UIMC1: variants seen among roughly 807,000 people sequenced by gnomAD.
UIMC1 encodes BRCA1-A complex subunit RAP80.
In UIMC1, 42 loss-of-function variants were observed where a neutral mutation model predicts 84.9. The observed-to-expected ratio is 0.49, with a 90% confidence interval of 0.39 to 0.64. The LOEUF (loss-of-function observed/expected upper bound fraction) is 0.64, where lower values mean the gene tolerates loss of function less well. UIMC1 is among the 30% of genes least tolerant of loss of function. The pLI, the probability that UIMC1 is intolerant of heterozygous loss-of-function variation, is 0.00. For missense variants in UIMC1, 825 were observed against 847.6 expected, an observed-to-expected ratio of 0.97 and a Z score of 0.33; for synonymous variants, 281 against 293.0, an observed-to-expected ratio of 0.96 and a Z score of 0.42.
intron 2 of UIMC1, among the ~76,000 whole-genome samples, chr5:176,980,856 T>G (rs1231695470): frequency 6.6e-6 from 1 of 152,160 alleles, no homozygotes; most frequent in Non-Finnish European, 1.5e-5. Context: ...CCCACCTGCC[T>G]CAGCTTCCCA....
chr5:176,906,257 GAAC>G (rs1428648070), intron 13 of UIMC1: 1 of 534,592 alleles, frequency 1.9e-6, no homozygotes, highest in African/African-American at 1.9e-5. Context: ...ACTTTTGAAT[GAAC>G]AACCTCTGAA....
chr5:176,998,155 C>A (rs1773903245), intron 1 of UIMC1, among the ~76,000 whole-genome samples: 1 of 152,042 alleles, frequency 6.6e-6, no homozygotes, highest in African/African-American at 2.4e-5. Context: ...AGTCCCAGCA[C>A]CTACCAAATG....
chr5:176,950,059 G>T (rs1765653028), intron 9 of UIMC1, among the ~76,000 whole-genome samples: 1 of 146,670 alleles, frequency 6.8e-6, no homozygotes, highest in African/African-American at 2.5e-5. Flanking sequence ...TTGTCTCGAG[G>T]AGAAAAAATA....
At chr5:176,908,137 TTG>T (rs1759643609) in intron 12 of UIMC1, among the ~76,000 whole-genome samples, 1 of 152,020 alleles carries the variant, frequency 6.6e-6, no homozygotes, top group African/African-American at 2.4e-5. Context: ...ATATAGTATG[TTG>T]TGTGTGTGCT....
At chr5:176,910,580 A>G (rs1302222010) in intron 11 of UIMC1, among the ~76,000 whole-genome samples, 1 of 152,200 alleles carries the variant, frequency 6.6e-6, no homozygotes, top group Non-Finnish European at 1.5e-5. Flanking sequence ...CACACAACCA[A>G]AAAGTCTTCT....
At chr5:176,913,970 G>A (rs896117957) in intron 10 of UIMC1, among the ~76,000 whole-genome samples, 31 of 151,946 alleles carry the variant, frequency 2.0e-4, no homozygotes, top group Admixed American at 3.9e-4. Context: ...GAGCTAGATC[G>A]TCTCAAAAAA....
chr5:176,947,497 C>T lies in UIMC1; in HGVS notation c.1443+3977G>A, dbSNP rs73341857. Among the ~76,000 whole-genome samples the T allele has an allele frequency of 9.0e-3, 1,373 of 152,250 alleles. 22 individuals are homozygous for T. The highest frequency in any genetic ancestry group is 0.031 in the African/African-American group (1,283 of 41,528). On this transcript the variant is annotated intron_variant, in intron 9 of 14. Transcript: ENST00000511320. Reference sequence around the variant, plus strand: ...TCTCCTAATGCTATCCCTCCCCGCTCGCCTTCTACTTCTTTTAAAATATTA... The same window carrying T: ...TCTCCTAATGCTATCCCTCCCCGCTTGCCTTCTACTTCTTTTAAAATATTA...
At chr5:176,924,344 T>C (rs1232863121) in intron 10 of UIMC1, among the ~76,000 whole-genome samples, 1 of 151,044 alleles carries the variant, frequency 6.6e-6, no homozygotes, top group Admixed American at 6.6e-5. Context: ...ATAAAAATAA[T>C]ATCTACCACA....
At chr5:176,961,946 G>A (rs1282135060) in intron 6 of UIMC1, among the ~76,000 whole-genome samples, 13 of 61,338 alleles carry the variant, frequency 2.1e-4, no homozygotes, top group South Asian at 6.7e-4. Context: ...GGAGGTGGGG[G>A]TGTCGGCCCC....
At chr5:176,980,229 T>C (rs886875369) in intron 2 of UIMC1, 8 of 152,194 alleles carry the variant, frequency 5.3e-5, no homozygotes, top group Non-Finnish European at 1.0e-4. Context: ...CATAATTGAA[T>C]GAGCCAATTC....
At chr5:176,939,332 G>C (rs1213553108) in intron 10 of UIMC1, among the ~76,000 whole-genome samples, 1 of 151,752 alleles carries the variant, frequency 6.6e-6, no homozygotes, top group Non-Finnish European at 1.5e-5. Context: ...TGAAGTAATA[G>C]GTGATAGAAA....
At chr5:176,974,943 C>T (rs573288459) in intron 3 of UIMC1, among the ~76,000 whole-genome samples, 10 of 151,804 alleles carry the variant, frequency 6.6e-5, no homozygotes, top group African/African-American at 1.9e-4. Context: ...TGCTTGAGGC[C>T]AGGAGTTTGA....
chr5:176,999,914 C>G (rs1412023820), intron 1 of UIMC1, among the ~76,000 whole-genome samples: 5 of 152,150 alleles, frequency 3.3e-5, no homozygotes, highest in African/African-American at 1.2e-4. Context: ...TGGATACATA[C>G]CCAGCAGTGG....
rs1282650313 is a variant in UIMC1, at chr5:176,945,896, T to C, written c.1444-2408A>G. On this transcript the variant is annotated intron_variant, in intron 9 of 14. Transcript: ENST00000511320. ...TTATGGAAAGATTGTGTTTCTGTTT[T>C]AAGGCTCTGTTAGAAATTACTGAGG... Among the ~76,000 whole-genome samples, 5 of 152,220 alleles carry C rather than the reference T, an allele frequency of 3.3e-5. No homozygotes were observed. In the East Asian group the frequency reaches 5.8e-4, roughly 18 times the overall value.
intron 10 of UIMC1, among the ~76,000 whole-genome samples, chr5:176,934,466 G>C (rs188118357): frequency 2.6e-5 from 4 of 152,232 alleles, no homozygotes; most frequent in African/African-American, 9.6e-5. Flanking sequence ...CGGGTATCTT[G>C]AAACCGTGAA....
chr5:176,947,012 T>A (rs776370815), intron 9 of UIMC1, among the ~76,000 whole-genome samples: 5 of 152,206 alleles, frequency 3.3e-5, no homozygotes, highest in African/African-American at 7.2e-5. Context: ...GACGCAAATG[T>A]GTCACTGGTG....
At chr5:176,941,488 T>C (rs1764427599) in intron 10 of UIMC1, among the ~76,000 whole-genome samples, 1 of 152,238 alleles carries the variant, frequency 6.6e-6, no homozygotes, top group Non-Finnish European at 1.5e-5. Flanking sequence ...TTAAATTAAG[T>C]GTTTATGTAC....
chr5:176,958,192 C>A (rs747332580), intron 6 of UIMC1, 38 bp from the exon 7 acceptor site: 1 of 1,557,054 alleles, frequency 6.4e-7, no homozygotes, highest in Non-Finnish European at 8.8e-7. Context: ...TATACAGGCA[C>A]AGGTGAACTG....
chr5:176,987,018 G>C (rs1331556547), intron 1 of UIMC1, among the ~76,000 whole-genome samples: 1 of 152,158 alleles, frequency 6.6e-6, no homozygotes, highest in African/African-American at 2.4e-5. Flanking sequence ...TCAGGAGTTT[G>C]AGACTAGCCT....
Sources: allele counts gnomAD v4.1 joint callset (sites outside exome capture counted in the v4.1 genomes callset), GRCh38; gene constraint gnomAD v4.1.1; transcripts MANE v1.5; gene names NCBI Gene and HGNC (gene_info 2026-07-23, HGNC 2026-07-21).